The following BCL2 variants were observed in gnomAD, a reference collection of about 807,000 sequenced individuals.
The protein encoded by BCL2 is apoptosis regulator Bcl-2.
In BCL2, 1 loss-of-function variant was observed where a neutral mutation model predicts 14.2. That is an observed-to-expected ratio of 0.07 (90% CI 0.02 to 0.33). BCL2 has a LOEUF of 0.33. Among genes scored for constraint, BCL2 ranks in the 10% least tolerant of loss-of-function variants. BCL2 has a pLI of 0.99. For missense variants in BCL2, 247 were observed against 305.9 expected (o/e 0.81, Z 1.44); for synonymous variants, 151 against 137.2 (o/e 1.10, Z -0.70).
intron 2 of BCL2, among the ~76,000 whole-genome samples, chr18:63,223,621 C>T (rs1016306418): frequency 2.0e-5 from 3 of 152,120 alleles, no homozygotes; most frequent in Non-Finnish European, 2.9e-5. Context: ...AGTCTCATTC[C>T]TCATCTCAGC....
chr18:63,127,575 C>A lies in BCL2; in HGVS notation c.*1050G>T, dbSNP rs1329831136. 1 of 231,002 alleles carries A rather than the reference C, an allele frequency of 4.3e-6. No homozygotes were observed. The highest frequency in any genetic ancestry group is 2.2e-5 in the African/African-American group (1 of 45,198). 14.3% of individuals were successfully genotyped at this position (231,002 alleles called of 1,614,324 possible). On this transcript the variant is annotated 3_prime_UTR_variant, in exon 3 of 3. Transcript: ENST00000333681. ...AGACCACACTGCCCTGTTGATCATCCCTGGAGGAGGCCAGTGAGGGCCCCG... is the reference window on the plus strand; with the variant it reads ...AGACCACACTGCCCTGTTGATCATCACTGGAGGAGGCCAGTGAGGGCCCCG...
intron 2 of BCL2, among the ~76,000 whole-genome samples, chr18:63,235,587 T>C (rs1477852013): frequency 6.6e-6 from 1 of 151,494 alleles, no homozygotes; most frequent in Non-Finnish European, 1.5e-5. Context: ...ATGTGAAAGA[T>C]AAAACCATGC....
At chr18:63,277,527 C>A (rs72945051) in intron 2 of BCL2, among the ~76,000 whole-genome samples, 2,049 of 150,396 alleles carry the variant, frequency 0.014, 25 homozygotes, top group Non-Finnish European at 0.023. Context: ...CCTTGGGAGG[C>A]TGAGGCAGGA....
chr18:63,246,645 T>C (rs1911158350), intron 2 of BCL2, among the ~76,000 whole-genome samples: 1 of 152,114 alleles, frequency 6.6e-6, no homozygotes, highest in Non-Finnish European at 1.5e-5. Flanking sequence ...AAGATGAAAT[T>C]TGGGTGGGGA....
intron 2 of BCL2, among the ~76,000 whole-genome samples, chr18:63,219,239 C>T (rs1873619501): frequency 6.6e-6 from 1 of 152,122 alleles, no homozygotes; most frequent in African/African-American, 2.4e-5. Context: ...AGCCTTCTCT[C>T]ACCTCAGTCC....
At chr18:63,208,394 T>C (rs1049903353) in intron 2 of BCL2, among the ~76,000 whole-genome samples, 2 of 152,126 alleles carry the variant, frequency 1.3e-5, no homozygotes, top group Non-Finnish European at 2.9e-5. Flanking sequence ...CCACACGTTT[T>C]TGCTCATTTC....
In BCL2 at chr18:63,198,247, GACACACAC is replaced by G. The variant is rs1309119197; in HGVS notation, c.586-69496_586-69489del. On this transcript the variant is annotated intron_variant, in intron 2 of 2. Coordinates refer to ENST00000333681, the MANE Select transcript of BCL2 (RefSeq NM_000633.3). The stretch of plus-strand genomic sequence containing the variant: ...ACACACAGACACACACTGACATAGA[GACACACAC>G]ACAGACACACACTGACACAGAGACA... 3.7e-5 allele frequency among the ~76,000 whole-genome samples: 5 copies of G among 136,318 alleles called. No individual in the cohort carries two copies. In the East Asian group the frequency reaches 1.1e-3, roughly 30 times the overall value. The allele number at this position is 136,318 out of a possible 152,430, so 89.4% of individuals were successfully genotyped here. A position where few individuals can be genotyped will look rare whatever the true frequency, so the allele number is the denominator to read the frequency against.
chr18:63,292,596 C>T (rs1375758266), intron 2 of BCL2, among the ~76,000 whole-genome samples: 1 of 152,180 alleles, frequency 6.6e-6, no homozygotes, highest in African/African-American at 2.4e-5. Flanking sequence ...CCCAGGTGCT[C>T]AGCAAATGGA....
rs74169950 is a variant in BCL2, at chr18:63,274,277, CTTTTTTTTT to C, written c.585+43796_585+43804del. ...GGAGTCAAGCTTTTATAAAGATACT[CTTTTTTTTT>C]TTTTTTTTTTTTTTGAGATGGAGTC... is the stretch of plus-strand genomic sequence containing the variant. On this transcript the variant is annotated intron_variant, in intron 2 of 2. Coordinates refer to ENST00000333681, the MANE Select transcript of BCL2 (RefSeq NM_000633.3). Among the ~76,000 whole-genome samples the C allele has an allele frequency of 3.5e-5, 3 of 86,752 alleles. 1 individual carries two copies. The highest frequency in any genetic ancestry group is 1.3e-4 in the African/African-American group (3 of 22,960). The allele number at this position is 86,752 out of a possible 152,430, so 56.9% of individuals were successfully genotyped here. A position where few individuals can be genotyped will look rare whatever the true frequency, so the allele number is the denominator to read the frequency against.
chr18:63,227,066 TA>T (rs1284932727), intron 2 of BCL2, among the ~76,000 whole-genome samples: 1 of 151,806 alleles, frequency 6.6e-6, no homozygotes, highest in East Asian at 1.9e-4. Context: ...AAAAAAATTT[TA>T]AAGCAATATG....
At chr18:63,207,756 T>C (rs1909881147) in intron 2 of BCL2, 3 of 152,230 alleles carry the variant, frequency 2.0e-5, no homozygotes, top group Non-Finnish European at 4.4e-5. Context: ...TTAAATTCTG[T>C]GCTGTTTTTA....
chr18:63,310,740 C>T (rs78803499), intron 2 of BCL2, among the ~76,000 whole-genome samples: 3,801 of 152,314 alleles, frequency 0.025, 92 homozygotes, highest in Middle Eastern at 0.058. Context: ...CATCACTACC[C>T]CGGTTCCTGG....
chr18:63,218,785 T>C, intron 2 of BCL2, among the ~76,000 whole-genome samples: 4 of 102,518 alleles, frequency 3.9e-5, no homozygotes, highest in Admixed American at 1.2e-4. Context: ...CATCCTCCAC[T>C]CATCCCCATC....
chr18:63,250,072 G>A (rs17070913), intron 2 of BCL2, among the ~76,000 whole-genome samples: 1,661 of 152,268 alleles, frequency 0.011, 32 homozygotes, highest in African/African-American at 0.037. Context: ...GCCAGGATCT[G>A]AGCCAAGAAC....
At chr18:63,234,397 A>G (rs1032589986) in intron 2 of BCL2, among the ~76,000 whole-genome samples, 1 of 152,194 alleles carries the variant, frequency 6.6e-6, no homozygotes, top group Admixed American at 6.5e-5. Context: ...AGTTCCATCC[A>G]TGTCCCTGCA....
intron 2 of BCL2, among the ~76,000 whole-genome samples, chr18:63,248,881 T>C (rs770038108): frequency 6.6e-6 from 1 of 152,230 alleles, no homozygotes; most frequent in Non-Finnish European, 1.5e-5. Flanking sequence ...TGCCCCTATA[T>C]TGTACCTCAT....
chr18:63,317,565 A>C (rs1913535838), intron 2 of BCL2: 2 of 988,240 alleles, frequency 2.0e-6, no homozygotes, highest in Non-Finnish European at 2.4e-6. Flanking sequence ...TTACCGATTG[A>C]TGATGCCCTT....
chr18:63,198,826 G>GAC (rs1909569140), intron 2 of BCL2, among the ~76,000 whole-genome samples: 11 of 4,656 alleles, frequency 2.4e-3, no homozygotes, highest in Admixed American at 7.2e-3. Flanking sequence ...CAGACACACA[G>GAC]ACATACACAG....
At chr18:63,203,151 G>A (rs1006758955) in intron 2 of BCL2, among the ~76,000 whole-genome samples, 3 of 152,202 alleles carry the variant, frequency 2.0e-5, no homozygotes, top group East Asian at 1.9e-4. Context: ...AGCCCCTTAC[G>A]AAAACGTCTG....
Sources: gnomAD v4.1 joint callset for allele counts (sites outside exome capture counted in the v4.1 genomes callset) on GRCh38, gnomAD v4.1.1 for gene constraint, MANE v1.5 for transcripts, NCBI Gene and HGNC (gene_info 2026-07-23, HGNC 2026-07-21) for gene names.